Variants in CSMD2 observed in about 807,000 individuals in gnomAD.
The protein encoded by CSMD2 is CUB and Sushi multiple domains 2.
A neutral mutation model predicts 398.5 loss-of-function variants in CSMD2; 130 were observed. The observed-to-expected ratio is 0.33, with a 90% CI of 0.28 to 0.38. The LOEUF (loss-of-function observed/expected upper bound fraction) is 0.38, where lower values mean the gene tolerates loss of function less well. Ranked by LOEUF, CSMD2 falls within the 10% of genes least tolerant of loss-of-function variation. CSMD2 has a pLI of 1.00. For missense variants in CSMD2, 3,829 were observed against 4,764.9 expected (o/e 0.80, Z 5.78); for synonymous variants, 1,828 against 1,908.5 (o/e 0.96, Z 1.10).
intron 5 of CSMD2, among the ~76,000 whole-genome samples, chr1:33,912,898 T>TAC (rs1643533667): frequency 1.3e-5 from 2 of 152,186 alleles, no homozygotes; most frequent in South Asian, 4.1e-4. Flanking sequence ...CTGCAGCCTC[T>TAC]ACCTCCAGGG....
At chr1:33,546,357 A>ATATGGAGGCAGGAG in intron 56 of CSMD2, 138 bp from the exon 57 acceptor site, 3 of 775,030 alleles carry the variant, frequency 3.9e-6, no homozygotes, top group Non-Finnish European at 6.0e-6. Flanking sequence ...AGTTACCTGC[A>ATATGGAGGCAGGAG]CATGCTCCTG....
intron 1 of CSMD2, among the ~76,000 whole-genome samples, chr1:34,110,164 G>C (rs569361185): frequency 6.6e-6 from 1 of 151,174 alleles, no homozygotes; most frequent in Admixed American, 6.6e-5. Context: ...ACAGCACCCA[G>C]AATGGCTACT....
intron 21 of CSMD2, among the ~76,000 whole-genome samples, chr1:33,712,317 C>T (rs1035268285): frequency 7.9e-5 from 12 of 152,090 alleles, no homozygotes; most frequent in Non-Finnish European, 1.5e-5. Context: ...GGCTATGTCA[C>T]CTCCCTCCCC....
chr1:33,540,819 C>T lies in CSMD2; in HGVS notation c.9458-121G>A. On this transcript the variant is annotated intron_variant, in intron 59 of 70. Coordinates refer to ENST00000373381, the MANE Select transcript of CSMD2 (RefSeq NM_001281956.2). Reference sequence around the variant, plus strand: ...TAGAGCCTGGGCTAAACAGGAAGAACCAGAATGGGGCCCTCTTACTGTGGG... The same window carrying T: ...TAGAGCCTGGGCTAAACAGGAAGAATCAGAATGGGGCCCTCTTACTGTGGG... 3.6e-6 allele frequency: 4 copies of T among 1,116,608 alleles called. No individual in the cohort carries two copies. In the South Asian group the frequency reaches 6.1e-5, roughly 17 times the overall value. 69.2% of individuals were successfully genotyped at this position (1,116,608 alleles called of 1,614,324 possible). A position where few individuals can be genotyped will look rare whatever the true frequency, so the allele number is the denominator to read the frequency against.
intron 5 of CSMD2, among the ~76,000 whole-genome samples, chr1:33,892,994 T>G (rs2125213475): frequency 6.6e-6 from 1 of 152,346 alleles, no homozygotes; most frequent in South Asian, 2.1e-4. Context: ...GGGTTCATGT[T>G]ATCCTATCAA....
At chr1:33,714,309 C>T (rs1367322146) in intron 21 of CSMD2, among the ~76,000 whole-genome samples, 1 of 152,224 alleles carries the variant, frequency 6.6e-6, no homozygotes, top group African/African-American at 2.4e-5. Context: ...CTGAAATCGA[C>T]TTCATGTGAG....
rs115932016 is a variant in CSMD2 at position 34,079,591 on chromosome 1, G to A, written c.404+9386C>T. On this transcript the variant is annotated intron_variant, in intron 2 of 70. Transcript: ENST00000373381. ...ATGAAAATGATCTAAAGTATATAAA[G>A]AGATGGAATATCTACATTAACTTTG... is the stretch of plus-strand genomic sequence containing the variant. Among the ~76,000 whole-genome samples, 1,334 of 152,254 alleles carry A rather than the reference G, an allele frequency of 8.8e-3. 19 individuals are homozygous for A. Among genetic ancestry groups the A allele is most frequent in the African/African-American group, 0.028 (1,174 of 41,548 alleles).
chr1:33,699,489 A>T (rs532339425), intron 23 of CSMD2, among the ~76,000 whole-genome samples: 49 of 152,272 alleles, frequency 3.2e-4, no homozygotes, highest in African/African-American at 1.1e-3. Context: ...GAGAGCATTG[A>T]TTTGGGAAGG....
At chr1:33,690,468 C>G (rs567795964) in intron 25 of CSMD2, among the ~76,000 whole-genome samples, 1 of 152,314 alleles carries the variant, frequency 6.6e-6, no homozygotes, top group South Asian at 2.1e-4. Context: ...TGCGTCTGCT[C>G]TTTGTGAACC....
At chr1:33,993,657 T>C (rs1189491798) in intron 3 of CSMD2, among the ~76,000 whole-genome samples, 1 of 152,206 alleles carries the variant, frequency 6.6e-6, no homozygotes, top group African/African-American at 2.4e-5. Flanking sequence ...GAAAGAGAAA[T>C]GCATTCCTTT....
intron 46 of CSMD2, among the ~76,000 whole-genome samples, chr1:33,585,300 CA>C (rs946052140): frequency 1.2e-4 from 19 of 152,164 alleles, no homozygotes; most frequent in Non-Finnish European, 1.5e-5. Flanking sequence ...CCCAGGATTA[CA>C]ATTTCAGGTA....
chr1:33,552,872 G>A (rs182209154), intron 55 of CSMD2, among the ~76,000 whole-genome samples: 73 of 152,176 alleles, frequency 4.8e-4, no homozygotes, highest in Non-Finnish European at 1.5e-4. Context: ...ACAACTTTGC[G>A]AATACACTAA....
intron 15 of CSMD2, among the ~76,000 whole-genome samples, chr1:33,732,803 A>T (rs1646763225): frequency 6.6e-6 from 1 of 152,212 alleles, no homozygotes; most frequent in Non-Finnish European, 1.5e-5. Flanking sequence ...ACAGAATAGA[A>T]TACAGAGAAC....
intron 55 of CSMD2, among the ~76,000 whole-genome samples, chr1:33,553,389 C>T (rs1297697344): frequency 2.0e-5 from 3 of 152,334 alleles, no homozygotes; most frequent in African/African-American, 7.2e-5. Context: ...ACCATGCACA[C>T]ATAAAATGGA....
At chr1:33,750,375 A>G (rs1483193666) in intron 13 of CSMD2, among the ~76,000 whole-genome samples, 1 of 152,156 alleles carries the variant, frequency 6.6e-6, no homozygotes, top group Non-Finnish European at 1.5e-5. Context: ...TCTCACAGCA[A>G]CCCTCTGAGA....
At chr1:33,689,570 T>G (rs528330977) in intron 25 of CSMD2, among the ~76,000 whole-genome samples, 1 of 152,088 alleles carries the variant, frequency 6.6e-6, no homozygotes, top group African/African-American at 2.4e-5. Context: ...GTGAAAATGG[T>G]CCTCACTACT....
rs1240464871 is a variant in CSMD2, at chr1:33,635,911, T to C, written c.4969+449A>G. 6.6e-6 allele frequency among the ~76,000 whole-genome samples: 1 copy of C among 152,102 alleles called. No individual in the cohort carries two copies. The highest frequency in any genetic ancestry group is 2.4e-5 in the African/African-American group (1 of 41,408). On this transcript the variant is annotated intron_variant, in intron 30 of 70. Transcript: ENST00000373381. This position sits in a 1 kb window ranked among gnomAD's most constrained non-coding sequence, Gnocchi z 5.0. ...GGTCACCAAGCTCTTAAAGCCCTGATACTCATTCCTATCTCTCTTGTCAGG... is the reference window on the plus strand; with the variant it reads ...GGTCACCAAGCTCTTAAAGCCCTGACACTCATTCCTATCTCTCTTGTCAGG...
intron 44 of CSMD2, chr1:33,599,928 T>C (rs1640098981): frequency 3.5e-6 from 2 of 567,184 alleles, no homozygotes; most frequent in Admixed American, 6.9e-5. Flanking sequence ...CCAGAGCAGA[T>C]ACTGTAGCAG....
At chr1:33,690,975 C>T (rs960930929) in intron 25 of CSMD2, among the ~76,000 whole-genome samples, 9 of 152,244 alleles carry the variant, frequency 5.9e-5, no homozygotes, top group African/African-American at 1.9e-4. Context: ...CTAGGAGCCC[C>T]GCAAGAGAGG....
Sources: allele counts gnomAD v4.1 joint callset (sites outside exome capture counted in the v4.1 genomes callset), GRCh38; gene constraint gnomAD v4.1.1; non-coding constraint Gnocchi (gnomAD v3.1); transcripts MANE v1.5; gene names NCBI Gene and HGNC (gene_info 2026-07-23, HGNC 2026-07-21).